ZNF385B: variants seen among roughly 807,000 people sequenced by gnomAD.
The protein encoded by ZNF385B is zinc finger protein 385B.
Under a neutral mutation model 39.2 loss-of-function variants are expected in ZNF385B, and 23 were observed. That is an observed-to-expected ratio of 0.59 (90% CI 0.42 to 0.83). ZNF385B has a LOEUF of 0.83. ZNF385B is among the 40% of genes least tolerant of loss of function. The probability of loss-of-function intolerance (pLI) is 0.00; values close to 1 mark genes in which losing one functional copy is unlikely to be tolerated. For synonymous variants in ZNF385B, 205 were observed against 222.6 expected (o/e 0.92, Z 0.70); for missense variants, 552 against 598.9 (o/e 0.92, Z 0.82).
Position 179,483,361 on chromosome 2 carries a change from T to C in ZNF385B, c.626A>G (p.Lys209Arg). 2 of 1,614,092 alleles carry C rather than the reference T, an allele frequency of 1.2e-6. No homozygotes were observed. The highest frequency in any genetic ancestry group is 1.7e-6 in the Non-Finnish European group (2 of 1,179,966). The change falls in exon 6 of 10, where the codon AAA (lysine) becomes AGA (arginine). Residue 209 changes from lysine to arginine, a missense_variant. Coordinates refer to ENST00000410066, the MANE Select transcript of ZNF385B (RefSeq NM_152520.6). The part of the protein sequence containing the change: ...KVKALDATKN[K>R]PKMVPSKDSA... ...GTCCTTGGAAGGAACCATTTTGGGT[T>C]TATTTTTCGTTGCGTCTAGTGCTTT...
At chr2:179,797,847 A>G (rs963034791) in intron 1 of ZNF385B, among the ~76,000 whole-genome samples, 1 of 152,146 alleles carries the variant, frequency 6.6e-6, no homozygotes, top group African/African-American at 2.4e-5. Context: ...CCAGCTGCTT[A>G]GTGGTCATTA....
At chr2:179,845,346 T>A (rs1321594827) in intron 1 of ZNF385B, among the ~76,000 whole-genome samples, 4 of 152,128 alleles carry the variant, frequency 2.6e-5, no homozygotes, top group Non-Finnish European at 5.9e-5. Context: ...GAACCAGTGA[T>A]ATACAATGTG....
chr2:179,693,511 A>C (rs1419089908), intron 3 of ZNF385B, among the ~76,000 whole-genome samples: 4 of 152,236 alleles, frequency 2.6e-5, no homozygotes, highest in Non-Finnish European at 5.9e-5. Flanking sequence ...ATAATGAATT[A>C]TTTCTGACAC....
At chr2:179,856,827 T>C (rs1215624105) in intron 1 of ZNF385B, among the ~76,000 whole-genome samples, 1 of 152,166 alleles carries the variant, frequency 6.6e-6, no homozygotes, top group Admixed American at 6.5e-5. Context: ...AAACCTTCCA[T>C]TCAGCTTCAG....
chr2:179,493,715 G>GTATATATGTATA (rs1491147446), intron 5 of ZNF385B, among the ~76,000 whole-genome samples: 2 of 51,104 alleles, frequency 3.9e-5, no homozygotes, highest in African/African-American at 5.9e-5. Context: ...ATACACATAT[G>GTATATATGTATA]CATATACGTA....
intron 3 of ZNF385B, among the ~76,000 whole-genome samples, chr2:179,661,536 G>A (rs953321862): frequency 6.6e-6 from 1 of 151,932 alleles, no homozygotes; most frequent in Non-Finnish European, 1.5e-5. Flanking sequence ...TGTATCTCTG[G>A]AGAACCCTGT....
intron 5 of ZNF385B, 130 bp downstream of exon 5, chr2:179,518,398 T>A: frequency 9.1e-6 from 6 of 659,974 alleles, no homozygotes; most frequent in Non-Finnish European, 1.5e-5. Context: ...AAATCTGGCA[T>A]CCTGAAATTA....
Position 179,601,749 on chromosome 2 carries a change from A to G in ZNF385B, c.299-56780T>C, listed in dbSNP as rs10048727. ...TCATTACAAATATTCTTTGAGGTCAATAACTATAAGGTCCCTTAAAGAATC... is the reference window on the plus strand; with the variant it reads ...TCATTACAAATATTCTTTGAGGTCAGTAACTATAAGGTCCCTTAAAGAATC... On this transcript the variant is annotated intron_variant, in intron 3 of 9. Transcript: ENST00000410066. Among the ~76,000 whole-genome samples, 1,495 of 152,316 alleles carry G rather than the reference A, an allele frequency of 9.8e-3. 30 individuals are homozygous for G. The highest frequency in any genetic ancestry group is 0.033 in the African/African-American group (1,382 of 41,570).
intron 3 of ZNF385B, among the ~76,000 whole-genome samples, chr2:179,717,186 CA>C (rs1458716910): frequency 6.6e-6 from 1 of 152,012 alleles, no homozygotes; most frequent in African/African-American, 2.4e-5. Flanking sequence ...AATGAGAAAT[CA>C]AAAATTATTT....
At chr2:179,804,692 T>C (rs1411529018) in intron 1 of ZNF385B, among the ~76,000 whole-genome samples, 1 of 152,250 alleles carries the variant, frequency 6.6e-6, no homozygotes, top group Non-Finnish European at 1.5e-5. Flanking sequence ...AAGAGCAGGA[T>C]GTGCTGGGCA....
intron 1 of ZNF385B, among the ~76,000 whole-genome samples, chr2:179,846,135 A>C (rs1708787584): frequency 6.6e-6 from 1 of 152,190 alleles, no homozygotes; most frequent in Non-Finnish European, 1.5e-5. Context: ...TAGGTCCCAA[A>C]TTTGATGCTA....
chr2:179,618,893 A>T (rs1689979162), intron 3 of ZNF385B, among the ~76,000 whole-genome samples: 1 of 152,192 alleles, frequency 6.6e-6, no homozygotes, highest in Non-Finnish European at 1.5e-5. Context: ...CAATAGACAC[A>T]GTTACTATGG....
intron 3 of ZNF385B, among the ~76,000 whole-genome samples, chr2:179,588,722 T>C (rs1221582644): frequency 3.3e-5 from 5 of 152,228 alleles, no homozygotes; most frequent in African/African-American, 1.2e-4. Context: ...GCCTAGTGAC[T>C]GAAGATTCTT....
intron 1 of ZNF385B, among the ~76,000 whole-genome samples, chr2:179,800,496 T>C (rs1256136552): frequency 2.6e-5 from 4 of 152,088 alleles, no homozygotes; most frequent in Non-Finnish European, 5.9e-5. Context: ...GGATTGCACA[T>C]TGAAGGGGTA....
chr2:179,760,005 T>C lies in ZNF385B; in HGVS notation c.298+9498A>G, dbSNP rs34538291. On this transcript the variant is annotated intron_variant, in intron 3 of 9. Coordinates refer to ENST00000410066, the MANE Select transcript of ZNF385B (RefSeq NM_152520.6). ...ATTCACATGCAGTTGTAAGAAATTA[T>C]GGAGTTTTCTTGAACACCTTGCCCA... Among the ~76,000 whole-genome samples the C allele has an allele frequency of 4.4e-3, 663 of 152,136 alleles. 8 individuals are homozygous for C. The highest frequency in any genetic ancestry group is 0.012 in the South Asian group (56 of 4,826).
chr2:179,553,310 C>T (rs1168391761), intron 3 of ZNF385B, among the ~76,000 whole-genome samples: 2 of 148,580 alleles, frequency 1.3e-5, no homozygotes, highest in East Asian at 1.9e-4. Flanking sequence ...AGAATCTTCC[C>T]CAAATAATAG....
intron 3 of ZNF385B, among the ~76,000 whole-genome samples, chr2:179,589,711 T>TATG (rs2106066228): frequency 6.6e-6 from 1 of 152,314 alleles, no homozygotes; most frequent in Admixed American, 6.5e-5. Context: ...TCACTAGCTC[T>TATG]ATGATTAAAA....
intron 1 of ZNF385B, among the ~76,000 whole-genome samples, chr2:179,813,753 T>G (rs1244620774): frequency 1.3e-5 from 2 of 152,188 alleles, no homozygotes; most frequent in East Asian, 3.9e-4. Context: ...AAAGGCATTC[T>G]TACACTTCCC....
chr2:179,442,902 C>G lies in ZNF385B; in HGVS notation c.*348G>C, dbSNP rs1272515760. 1 of 340,342 alleles carries G rather than the reference C, an allele frequency of 2.9e-6. No individual in the cohort carries two copies. Among genetic ancestry groups the G allele is most frequent in the Non-Finnish European group, 5.6e-6 (1 of 179,626 alleles). The allele number at this position is 340,342 out of a possible 1,614,324, so 21.1% of individuals were successfully genotyped here. On this transcript the variant is annotated 3_prime_UTR_variant, in exon 10 of 10. Transcript: ENST00000410066. ...GAAAATATTCCATATTGTTTTAAGC[C>G]AGATCATACCCATGGAAAAATAGAG...
Sources: allele counts gnomAD v4.1 joint callset (sites outside exome capture counted in the v4.1 genomes callset), GRCh38; gene constraint gnomAD v4.1.1; transcripts MANE v1.5; gene names NCBI Gene and HGNC (gene_info 2026-07-23, HGNC 2026-07-21).